The following GLIS3 variants were observed in gnomAD, a reference collection of about 807,000 sequenced individuals.
GLIS3 encodes the protein zinc finger protein GLIS3.
GLIS3 carries 53 observed loss-of-function variants against 78.6 expected under a neutral mutation model. That is an observed-to-expected ratio of 0.67 (90% CI 0.54 to 0.85). GLIS3 has a LOEUF of 0.85. Among genes scored for constraint, GLIS3 ranks in the 40% least tolerant of loss-of-function variants. GLIS3 has a pLI of 0.00. For missense variants in GLIS3, 1,703 were observed against 1,231.1 expected (o/e 1.38, Z -5.74); for synonymous variants, 684 against 509.9 (o/e 1.34, Z -4.60).
At chr9:4,243,214 G>A (rs757191113) in intron 2 of GLIS3, among the ~76,000 whole-genome samples, 10 of 152,184 alleles carry the variant, frequency 6.6e-5, no homozygotes, top group Non-Finnish European at 1.5e-4. Context: ...AAGCTCATAT[G>A]AGAGTCAGAT....
intron 2 of GLIS3, among the ~76,000 whole-genome samples, chr9:4,167,432 G>A (rs77807695): frequency 6.6e-6 from 1 of 152,130 alleles, no homozygotes; most frequent in Non-Finnish European, 1.5e-5. Flanking sequence ...TTTCTGCTAA[G>A]TGATTTCACA....
At chr9:4,464,078 T>C in the GLIS3 span, among the ~76,000 whole-genome samples, 82,500 of 152,008 alleles carry the variant, frequency 0.54, 22,602 homozygotes, top group Middle Eastern at 0.73. Context: ...TGGCAAATCA[T>C]TGAACAAAGT....
At chr9:4,160,146 G>A (rs1245227453) in intron 2 of GLIS3, among the ~76,000 whole-genome samples, 2 of 152,188 alleles carry the variant, frequency 1.3e-5, no homozygotes, top group South Asian at 2.1e-4. Flanking sequence ...CAGTCCTTCC[G>A]AAATTGGTCT....
chr9:4,186,824 T>C (rs1174200929), intron 2 of GLIS3, among the ~76,000 whole-genome samples: 3 of 152,232 alleles, frequency 2.0e-5, no homozygotes, highest in South Asian at 4.1e-4. Flanking sequence ...TTCATATCCA[T>C]TGCCCACTTT....
At chr9:3,851,642 A>G (rs1819439893) in intron 9 of GLIS3, among the ~76,000 whole-genome samples, 2 of 152,144 alleles carry the variant, frequency 1.3e-5, no homozygotes, top group African/African-American at 4.8e-5. Flanking sequence ...GCTCAGTATC[A>G]TTTAGTATTA....
At chr9:4,384,290 G>A in the GLIS3 span, among the ~76,000 whole-genome samples, 2 of 151,968 alleles carry the variant, frequency 1.3e-5, no homozygotes, top group African/African-American at 4.8e-5. Flanking sequence ...GTGGGAAAAC[G>A]GAACTACTTT....
chr9:4,308,345 A>C (rs1417455677), intron 4 of GLIS3, among the ~76,000 whole-genome samples: 1 of 152,080 alleles, frequency 6.6e-6, no homozygotes, highest in African/African-American at 2.4e-5. Flanking sequence ...AGAGGAGAGG[A>C]GGTGAGAAAA....
At chr9:3,923,902 C>T (rs1430748371) in intron 6 of GLIS3, among the ~76,000 whole-genome samples, 1 of 152,172 alleles carries the variant, frequency 6.6e-6, no homozygotes, top group African/African-American at 2.4e-5. Context: ...CTTTGGGAGG[C>T]CAAGGCAGGT....
At chr9:3,934,291 AT>A (rs536224527) in intron 5 of GLIS3, among the ~76,000 whole-genome samples, 21 of 152,310 alleles carry the variant, frequency 1.4e-4, no homozygotes, top group African/African-American at 5.1e-4. Flanking sequence ...TGCTTTGAGC[AT>A]TAGAGGAGAT....
intron 2 of GLIS3, among the ~76,000 whole-genome samples, chr9:4,274,214 G>C (rs184861809): frequency 6.6e-6 from 1 of 152,300 alleles, no homozygotes; most frequent in Admixed American, 6.5e-5. Flanking sequence ...AATGCTTCTC[G>C]AATGTCAATG....
intron 4 of GLIS3, among the ~76,000 whole-genome samples, chr9:3,980,263 G>A (rs1048336084): frequency 1.3e-5 from 2 of 152,164 alleles, no homozygotes; most frequent in African/African-American, 4.8e-5. Context: ...CTTTAAAGCT[G>A]GCATAATTCC....
intron 6 of GLIS3, among the ~76,000 whole-genome samples, chr9:3,923,780 A>G (rs778586675): frequency 7.2e-5 from 11 of 152,200 alleles, no homozygotes; most frequent in Non-Finnish European, 1.6e-4. Context: ...AAGGATGCAT[A>G]TAATGCTGAT....
chr9:4,169,353 G>A (rs2131121277), intron 2 of GLIS3, among the ~76,000 whole-genome samples: 1 of 152,318 alleles, frequency 6.6e-6, no homozygotes, highest in South Asian at 2.1e-4. Flanking sequence ...AAGGCTTTCA[G>A]ATAACTCCAC....
intron 2 of GLIS3, among the ~76,000 whole-genome samples, chr9:4,186,163 A>T (rs550738151): frequency 2.5e-5 from 1 of 39,334 alleles, no homozygotes; most frequent in East Asian, 8.6e-4. Flanking sequence ...CCCACCCCAC[A>T]ACAGTACCCA....
At chr9:4,316,383 A>G (rs1563930425) in intron 2 of GLIS3, among the ~76,000 whole-genome samples, 1 of 152,234 alleles carries the variant, frequency 6.6e-6, no homozygotes, top group Non-Finnish European at 1.5e-5. Context: ...TTGCAAGTCA[A>G]CAGATATTTT....
the GLIS3 span, among the ~76,000 whole-genome samples, chr9:4,448,229 A>G: frequency 6.6e-6 from 1 of 152,020 alleles, no homozygotes. Flanking sequence ...CCCCATTCCC[A>G]TTTGCCTATT....
At chr9:4,038,063 G>A (rs1028298412) in intron 4 of GLIS3, among the ~76,000 whole-genome samples, 3 of 152,258 alleles carry the variant, frequency 2.0e-5, no homozygotes, top group Non-Finnish European at 1.5e-5. Context: ...CTTTAATGAG[G>A]GAGAAGAACA....
intron 9 of GLIS3, among the ~76,000 whole-genome samples, chr9:3,830,293 T>G (rs190074484): frequency 4.6e-5 from 7 of 152,334 alleles, no homozygotes; most frequent in Admixed American, 4.6e-4. Context: ...ATGGCTTACT[T>G]TTTTCTTCTT....
the GLIS3 span, among the ~76,000 whole-genome samples, chr9:4,358,380 C>A: frequency 6.6e-6 from 1 of 151,926 alleles, no homozygotes; most frequent in African/African-American, 2.4e-5. Context: ...TTATCAGGTA[C>A]CAAGCAATGT....
Sources: allele counts gnomAD v4.1 joint callset (sites outside exome capture counted in the v4.1 genomes callset), GRCh38; gene constraint gnomAD v4.1.1; transcripts MANE v1.5; gene names NCBI Gene and HGNC (gene_info 2026-07-23, HGNC 2026-07-21).